Variants in SPATA13 observed in about 807,000 individuals in gnomAD.
SPATA13 encodes the protein spermatogenesis-associated protein 13.
Under a neutral mutation model 104.0 loss-of-function variants are expected in SPATA13, and 50 were observed. The ratio of observed to expected loss-of-function variants is 0.48; its 90% CI spans 0.38 to 0.61. The LOEUF (loss-of-function observed/expected upper bound fraction) is 0.61. Among genes scored for constraint, SPATA13 ranks in the 20% least tolerant of loss-of-function variants. The probability of loss-of-function intolerance (pLI) is 0.00; values close to 1 mark genes in which losing one functional copy is unlikely to be tolerated. For synonymous variants in SPATA13, 606 were observed against 667.5 expected, an observed-to-expected ratio of 0.91 and a Z score of 1.42; for missense variants, 1,524 against 1,690.6, an observed-to-expected ratio of 0.90 and a Z score of 1.73.
chr13:24,113,761 T>C (rs1485957293), intron 3 of SPATA13, among the ~76,000 whole-genome samples: 1 of 149,236 alleles, frequency 6.7e-6, no homozygotes, highest in Non-Finnish European at 1.5e-5. Context: ...TCCCACCTAC[T>C]CGGGAGGCTG....
At chr13:24,190,026 G>A (rs1270768004) in intron 1 of SPATA13, among the ~76,000 whole-genome samples, 2 of 46,196 alleles carry the variant, frequency 4.3e-5, no homozygotes, top group African/African-American at 1.5e-4. Flanking sequence ...ATAACATAAT[G>A]ATATACAATA....
chr13:24,217,455 C>G (rs1185124429), intron 1 of SPATA13, among the ~76,000 whole-genome samples: 1 of 152,118 alleles, frequency 6.6e-6, no homozygotes, highest in Non-Finnish European at 1.5e-5. Context: ...GCCAGCAGCC[C>G]CTTCAGCCAG....
intron 1 of SPATA13, among the ~76,000 whole-genome samples, chr13:24,183,278 C>T (rs147481962): frequency 1.3e-5 from 2 of 152,310 alleles, no homozygotes; most frequent in East Asian, 3.9e-4. Flanking sequence ...ATAATAAACA[C>T]ACATTTTCTT....
intron 1 of SPATA13, among the ~76,000 whole-genome samples, chr13:24,189,315 C>T (rs985440393): frequency 4.0e-5 from 6 of 151,538 alleles, no homozygotes. Flanking sequence ...ACTAGAAATA[C>T]TAAAAGTTAG....
intron 3 of SPATA13, among the ~76,000 whole-genome samples, chr13:24,056,648 T>C (rs1878555684): frequency 6.6e-6 from 1 of 152,196 alleles, no homozygotes; most frequent in Non-Finnish European, 1.5e-5. Flanking sequence ...TGGATATATG[T>C]TGAGTGAATG....
chr13:24,072,105 A>T (rs1879182573), intron 3 of SPATA13, among the ~76,000 whole-genome samples: 1 of 152,254 alleles, frequency 6.6e-6, no homozygotes, highest in African/African-American at 2.4e-5. Context: ...AAAGTACAAA[A>T]TTGAACACAC....
At chr13:24,215,797 GT>G (rs1871234548) in intron 1 of SPATA13, among the ~76,000 whole-genome samples, 1 of 152,266 alleles carries the variant, frequency 6.6e-6, no homozygotes, top group African/African-American at 2.4e-5. Flanking sequence ...CAGAGACATT[GT>G]TTTTGCTCCA....
chr13:24,181,939 A>AC (rs1160899688), intron 1 of SPATA13, among the ~76,000 whole-genome samples: 9 of 152,244 alleles, frequency 5.9e-5, no homozygotes, highest in Admixed American at 2.0e-4. Context: ...ACATGGTGAA[A>AC]CCCCATCTCT....
intron 1 of SPATA13, among the ~76,000 whole-genome samples, chr13:24,181,628 C>A (rs1220572): frequency 0.094 from 14,326 of 152,140 alleles, 2,199 homozygotes; most frequent in African/African-American, 0.33. Context: ...TGTCTACCAC[C>A]TCCATCCACA....
chr13:24,205,653 T>TG lies in SPATA13; in HGVS notation c.-111-17164dup, dbSNP rs1229724265. Among the ~76,000 whole-genome samples, 1 of 152,176 alleles carries TG rather than the reference T, an allele frequency of 6.6e-6. No homozygotes were observed. The highest frequency in any genetic ancestry group is 2.4e-5 in the African/African-American group (1 of 41,450). ...CAATTCTAAGCAAAAAGAAGAAAGC[T>TG]GGAGGCATCACTTTACCCAACTTCA... On this transcript the variant is annotated intron_variant, in intron 1 of 12. Transcript: ENST00000382108. This position sits in a 1 kb window ranked among gnomAD's most constrained non-coding sequence, Gnocchi z 4.1.
intron 1 of SPATA13, among the ~76,000 whole-genome samples, chr13:24,179,495 G>C (rs889609279): frequency 6.6e-6 from 1 of 152,178 alleles, no homozygotes; most frequent in Non-Finnish European, 1.5e-5. Context: ...ATTTTAACCA[G>C]TTTCAGTGTA....
At position 24,192,332 on chromosome 13, in the gene SPATA13, G is replaced by C. The variant is rs116570351; in HGVS notation, c.-111-30487G>C. The stretch of plus-strand genomic sequence containing the variant: ...ATTTCCAATTCAGGGGCTTTTTCCT[G>C]TAGTTCTCTGCTTGTGTTTTGAGGT... On this transcript the variant is annotated intron_variant, in intron 1 of 12. Transcript: ENST00000382108. 5.7e-3 allele frequency among the ~76,000 whole-genome samples: 866 copies of C among 152,106 alleles called. 7 individuals are homozygous for C. The highest frequency in any genetic ancestry group is 0.019 in the African/African-American group (784 of 41,504).
intron 4 of SPATA13, among the ~76,000 whole-genome samples, chr13:24,278,282 A>T (rs576850828): frequency 2.0e-5 from 3 of 152,310 alleles, no homozygotes; most frequent in African/African-American, 7.2e-5. Flanking sequence ...GCTGTGTGTT[A>T]TTGGGACTTG....
intron 1 of SPATA13, among the ~76,000 whole-genome samples, chr13:24,176,260 A>G (rs1294937043): frequency 6.6e-6 from 1 of 152,214 alleles, no homozygotes; most frequent in East Asian, 1.9e-4. Flanking sequence ...AGGACTATCT[A>G]CATAAGTCAT....
intron 4 of SPATA13, among the ~76,000 whole-genome samples, chr13:24,278,996 T>TCCCTCCCTCCCTC (rs1566188436): frequency 1.1e-5 from 1 of 94,296 alleles, no homozygotes; most frequent in African/African-American, 3.7e-5. Context: ...CTCCCTCCCT[T>TCCCTCCCTCCCTC]CCTTCCTTCC....
intron 3 of SPATA13, among the ~76,000 whole-genome samples, chr13:24,024,643 C>T (rs1405277919): frequency 1.3e-5 from 2 of 149,946 alleles, no homozygotes; most frequent in Non-Finnish European, 3.0e-5. Context: ...AGATGTCACA[C>T]AGGAAGTTTT....
chr13:24,018,019 C>A (rs1420837622), intron 3 of SPATA13, among the ~76,000 whole-genome samples: 1 of 152,126 alleles, frequency 6.6e-6, no homozygotes, highest in Admixed American at 6.5e-5. Flanking sequence ...GTGGCCAATC[C>A]ATTTATAGGC....
At chr13:24,001,655 G>C (rs1161239387) in intron 2 of SPATA13, among the ~76,000 whole-genome samples, 2 of 152,112 alleles carry the variant, frequency 1.3e-5, no homozygotes, top group Admixed American at 6.5e-5. Flanking sequence ...CCAGTGACTT[G>C]GGTGGGAAGC....
intron 4 of SPATA13, among the ~76,000 whole-genome samples, chr13:24,283,072 C>A (rs1367611255): frequency 6.6e-6 from 1 of 152,198 alleles, no homozygotes; most frequent in Admixed American, 6.5e-5. Context: ...TGCAGGGAGT[C>A]TGTGGAGCAT....
Sources: allele counts gnomAD v4.1 joint callset (sites outside exome capture counted in the v4.1 genomes callset), GRCh38; gene constraint gnomAD v4.1.1; non-coding constraint Gnocchi (gnomAD v3.1); transcripts MANE v1.5; gene names NCBI Gene and HGNC (gene_info 2026-07-23, HGNC 2026-07-21).